CHM: variants seen among roughly 807,000 people sequenced by gnomAD.
The protein encoded by CHM is rab proteins geranylgeranyltransferase component A 1.
Under a neutral mutation model 49.0 loss-of-function variants are expected in CHM, and 10 were observed. The ratio of observed to expected loss-of-function variants is 0.20; its 90% CI spans 0.13 to 0.35. CHM has a LOEUF of 0.35. CHM is among the 10% of genes least tolerant of loss of function. The pLI, the probability that CHM is intolerant of heterozygous loss-of-function variation, is 1.00. For missense variants in CHM, 455 were observed against 478.4 expected (o/e 0.95, Z 0.46); for synonymous variants, 184 against 167.5 (o/e 1.10, Z -0.76).
At chrX:85,891,278 G>A (rs1315545957) in intron 12 of CHM, among the ~76,000 whole-genome samples, 1 of 112,175 alleles carries the variant, frequency 8.9e-6, no homozygotes, top group Non-Finnish European at 1.9e-5. Flanking sequence ...TGCATAAGTA[G>A]CAAGGAACCT....
At chrX:85,958,649 G>A (rs1930129882) in intron 6 of CHM, among the ~76,000 whole-genome samples, 1 of 111,437 alleles carries the variant, frequency 9.0e-6, no homozygotes, top group Non-Finnish European at 1.9e-5. Context: ...GGTTTTTTGT[G>A]TGCTGCTTGG....
At chrX:85,998,960 A>T (rs1250017372) in intron 2 of CHM, among the ~76,000 whole-genome samples, 2 of 111,582 alleles carry the variant, frequency 1.8e-5, no homozygotes, top group African/African-American at 6.5e-5. Flanking sequence ...TATGACAAGC[A>T]TATGTATATT....
At position 85,900,773 on chromosome X, in the gene CHM, T is replaced by C. The variant is rs747751274; in HGVS notation, c.1350-64A>G. ...CATGGATAAGTTTCGTTTATAGTTA[T>C]ATAACCACCAGAAGGCACGTTTCAA... On this transcript the variant is annotated intron_variant, in intron 10 of 14. Coordinates refer to ENST00000357749, the MANE Select transcript of CHM (RefSeq NM_000390.4). 28 of 806,751 alleles carry C rather than the reference T, an allele frequency of 3.5e-5. No homozygotes were observed. The South Asian group carries it at 5.7e-4, about 16-fold the overall frequency. The allele number at this position is 806,751 out of a possible 1,213,427, so 66.5% of individuals were successfully genotyped here.
At chrX:86,026,252 A>T (rs1483465135) in intron 2 of CHM, among the ~76,000 whole-genome samples, 2 of 104,168 alleles carry the variant, frequency 1.9e-5, no homozygotes, top group African/African-American at 7.0e-5. Flanking sequence ...GCCTCCCAAG[A>T]AGCTGGGATT....
At chrX:86,023,540 A>T (rs756807930) in intron 2 of CHM, among the ~76,000 whole-genome samples, 1 of 111,396 alleles carries the variant, frequency 9.0e-6, no homozygotes, top group Non-Finnish European at 1.9e-5. Context: ...TCCATCAAAT[A>T]GCATAGCATG....
intron 2 of CHM, among the ~76,000 whole-genome samples, chrX:86,008,790 A>C (rs1410699619): frequency 8.9e-6 from 1 of 112,136 alleles, no homozygotes; most frequent in Non-Finnish European, 1.9e-5. Flanking sequence ...AGGCAATACA[A>C]AAATGAATGG....
At chrX:85,919,981 T>A (rs2148181711) in intron 8 of CHM, among the ~76,000 whole-genome samples, 1 of 112,162 alleles carries the variant, frequency 8.9e-6, no homozygotes, top group South Asian at 3.7e-4. Context: ...CTCTGTATGC[T>A]ATTCTTATCA....
intron 5 of CHM, 113 bp from the exon 6 acceptor site, chrX:85,959,090 C>A (rs1930158496): frequency 1.1e-6 from 1 of 900,590 alleles, no homozygotes. Flanking sequence ...ACAATCATAC[C>A]TATAAATATT....
At chrX:86,028,012 C>T (rs1377522193) in intron 1 of CHM, among the ~76,000 whole-genome samples, 1 of 112,095 alleles carries the variant, frequency 8.9e-6, no homozygotes, top group Non-Finnish European at 1.9e-5. Context: ...CCGCCCACCT[C>T]GGCCTCCCAA....
intron 8 of CHM, among the ~76,000 whole-genome samples, chrX:85,945,845 C>A (rs928280333): frequency 3.6e-5 from 4 of 111,664 alleles, no homozygotes; most frequent in African/African-American, 1.3e-4. Context: ...TGGCTCTGAT[C>A]AAAATGCTGA....
At chrX:85,895,136 G>GTT (rs527920499) in intron 11 of CHM, among the ~76,000 whole-genome samples, 129 of 82,047 alleles carry the variant, frequency 1.6e-3, no homozygotes, top group Middle Eastern at 7.2e-3. Flanking sequence ...GTTTTTTTTT[G>GTT]TTTTTTTTTT....
intron 14 of CHM, among the ~76,000 whole-genome samples, chrX:85,872,001 T>C (rs148683723): frequency 4.5e-5 from 5 of 112,098 alleles, no homozygotes; most frequent in African/African-American, 1.6e-4. Flanking sequence ...ATGAGAGATG[T>C]GACTTCCTAT....
At chrX:86,006,765 C>A (rs1316934471) in intron 2 of CHM, among the ~76,000 whole-genome samples, 5 of 111,758 alleles carry the variant, frequency 4.5e-5, no homozygotes, top group Non-Finnish European at 9.4e-5. Context: ...AAAGAGGACA[C>A]AAACAAATGG....
intron 2 of CHM, among the ~76,000 whole-genome samples, chrX:85,985,236 C>G (rs1376133661): frequency 3.6e-5 from 4 of 112,241 alleles, no homozygotes; most frequent in Non-Finnish European, 7.5e-5. Context: ...TTGGAGACTC[C>G]AAGCCATCGC....
chrX:85,926,078 G>A (rs17252383), intron 8 of CHM, among the ~76,000 whole-genome samples: 3,303 of 110,412 alleles, frequency 0.03, 60 homozygotes, highest in Middle Eastern at 0.12. Context: ...AGGTGGGTTG[G>A]AAGTGTGTTA....
intron 2 of CHM, among the ~76,000 whole-genome samples, chrX:85,984,058 C>T (rs1237627712): frequency 9.2e-6 from 1 of 109,213 alleles, no homozygotes; most frequent in Non-Finnish European, 1.9e-5. Context: ...AAAAATTAGC[C>T]GGGCGTAGTG....
intron 8 of CHM, among the ~76,000 whole-genome samples, chrX:85,931,794 C>T (rs1928452790): frequency 8.9e-6 from 1 of 111,868 alleles, no homozygotes; most frequent in Non-Finnish European, 1.9e-5. Context: ...TGTGAAAACG[C>T]ATCCACCATG....
At chrX:85,955,833 G>T (rs1030581022) in intron 8 of CHM, among the ~76,000 whole-genome samples, 2 of 111,743 alleles carry the variant, frequency 1.8e-5, no homozygotes, top group African/African-American at 6.5e-5. Flanking sequence ...TGAAAAAATA[G>T]ATTGTGGTGT....
At chrX:85,921,718 G>A (rs7051859) in intron 8 of CHM, among the ~76,000 whole-genome samples, 27,170 of 111,305 alleles carry the variant, frequency 0.24, 2,476 homozygotes, top group African/African-American at 0.28. Flanking sequence ...ACGAGACACT[G>A]TAAGACTTCA....
Sources: gnomAD v4.1 joint callset for allele counts (sites outside exome capture counted in the v4.1 genomes callset) on GRCh38, gnomAD v4.1.1 for gene constraint, MANE v1.5 for transcripts, NCBI Gene and HGNC (gene_info 2026-07-23, HGNC 2026-07-21) for gene names.